Variants in CNTNAP2 observed in about 807,000 individuals in gnomAD.
CNTNAP2 encodes contactin-associated protein-like 2.
CNTNAP2 carries 98 observed loss-of-function variants against 155.2 expected under a neutral mutation model. The observed-to-expected ratio is 0.63, with a 90% CI of 0.54 to 0.75. The LOEUF (loss-of-function observed/expected upper bound fraction) is 0.75, where lower values mean the gene tolerates loss of function less well. Among genes scored for constraint, CNTNAP2 ranks in the 30% least tolerant of loss-of-function variants. The probability of loss-of-function intolerance (pLI) is 0.00; values close to 1 mark genes in which losing one functional copy is unlikely to be tolerated. For synonymous variants in CNTNAP2, 651 were observed against 631.2 expected (o/e 1.03, Z -0.47); for missense variants, 1,727 against 1,688.1 (o/e 1.02, Z -0.40).
At chr7:146,128,769 T>G (rs1373813094) in intron 1 of CNTNAP2, among the ~76,000 whole-genome samples, 1 of 152,262 alleles carries the variant, frequency 6.6e-6, no homozygotes, top group South Asian at 2.1e-4. Flanking sequence ...GCAACAAATA[T>G]ACATTGTTGT....
intron 1 of CNTNAP2, among the ~76,000 whole-genome samples, chr7:146,471,314 A>G (rs1350984429): frequency 1.3e-5 from 2 of 152,228 alleles, no homozygotes; most frequent in Non-Finnish European, 2.9e-5. Context: ...AGTTTCAGAC[A>G]AGTCTTAAGT....
At chr7:146,161,288 C>A (rs1798217920) in intron 1 of CNTNAP2, among the ~76,000 whole-genome samples, 1 of 152,164 alleles carries the variant, frequency 6.6e-6, no homozygotes, top group Admixed American at 6.6e-5. Flanking sequence ...TGAAAACTGG[C>A]ACAAGGCAGC....
chr7:147,942,863 C>G (rs1189133600), intron 14 of CNTNAP2, among the ~76,000 whole-genome samples: 2 of 151,962 alleles, frequency 1.3e-5, no homozygotes, highest in African/African-American at 4.8e-5. Flanking sequence ...CGGTGAAACC[C>G]CATTTCTACT....
chr7:148,312,087 T>C (rs1313101568), intron 21 of CNTNAP2, among the ~76,000 whole-genome samples: 2 of 152,092 alleles, frequency 1.3e-5, no homozygotes, highest in Non-Finnish European at 1.5e-5. Context: ...TTAACACAGT[T>C]TGTGATTTTT....
intron 1 of CNTNAP2, among the ~76,000 whole-genome samples, chr7:146,345,534 A>G (rs10277301): frequency 0.23 from 35,267 of 152,056 alleles, 8,565 homozygotes; most frequent in African/African-American, 0.62. Context: ...GAAGAGAGAA[A>G]ACACACACTC....
At chr7:146,523,028 C>T (rs58859654) in intron 1 of CNTNAP2, among the ~76,000 whole-genome samples, 1,587 of 150,684 alleles carry the variant, frequency 0.011, 25 homozygotes, top group Middle Eastern at 0.065. Flanking sequence ...ATTGGGGTAC[C>T]GGTAGTATTT....
chr7:147,009,107 A>G (rs1798578037), intron 3 of CNTNAP2, among the ~76,000 whole-genome samples: 1 of 152,160 alleles, frequency 6.6e-6, no homozygotes, highest in South Asian at 2.1e-4. Context: ...ATGCATATAT[A>G]GAAAACACAA....
intron 21 of CNTNAP2, among the ~76,000 whole-genome samples, chr7:148,328,473 G>A (rs1405432757): frequency 6.8e-6 from 1 of 147,148 alleles, no homozygotes; most frequent in Non-Finnish European, 1.5e-5. Context: ...ATATGGCCAA[G>A]CTGTTGTCTG....
intron 1 of CNTNAP2, among the ~76,000 whole-genome samples, chr7:146,634,281 C>T (rs897488555): frequency 3.3e-5 from 5 of 152,036 alleles, no homozygotes; most frequent in African/African-American, 1.2e-4. Context: ...TTCCCTGTGC[C>T]GAATCCTCAG....
At chr7:148,072,911 T>C (rs1484479902) in intron 15 of CNTNAP2, among the ~76,000 whole-genome samples, 3 of 152,216 alleles carry the variant, frequency 2.0e-5, no homozygotes, top group Non-Finnish European at 2.9e-5. Flanking sequence ...TTTTGCCATA[T>C]TGGCCAGGCT....
At chr7:146,192,575 A>G (rs1006216043) in intron 1 of CNTNAP2, among the ~76,000 whole-genome samples, 1 of 152,104 alleles carries the variant, frequency 6.6e-6, no homozygotes, top group African/African-American at 2.4e-5. Context: ...CGACATATTC[A>G]CTATCATGAG....
At chr7:147,066,875 T>C (rs553762415) in intron 4 of CNTNAP2, among the ~76,000 whole-genome samples, 173 of 152,284 alleles carry the variant, frequency 1.1e-3, no homozygotes, top group African/African-American at 4.0e-3. Context: ...GGACTGGAAA[T>C]CTAAGATCAG....
At chr7:146,557,296 T>A (rs1798211614) in intron 1 of CNTNAP2, among the ~76,000 whole-genome samples, 1 of 152,028 alleles carries the variant, frequency 6.6e-6, no homozygotes, top group African/African-American at 2.4e-5. Context: ...GGGCAGTATG[T>A]ACTATATTGT....
intron 1 of CNTNAP2, among the ~76,000 whole-genome samples, chr7:146,129,267 G>T (rs546491989): frequency 6.6e-6 from 1 of 152,034 alleles, no homozygotes; most frequent in Non-Finnish European, 1.5e-5. Flanking sequence ...TCAGAATATT[G>T]CAAATAAAAA....
At chr7:148,327,365 C>T (rs1797911168) in intron 21 of CNTNAP2, among the ~76,000 whole-genome samples, 7 of 152,230 alleles carry the variant, frequency 4.6e-5, no homozygotes, top group Non-Finnish European at 1.5e-5. Flanking sequence ...TGGACGACTT[C>T]TCCCTGAGTT....
At chr7:146,402,875 G>A (rs771699039) in intron 1 of CNTNAP2, among the ~76,000 whole-genome samples, 4 of 151,976 alleles carry the variant, frequency 2.6e-5, no homozygotes, top group Non-Finnish European at 2.9e-5. Context: ...AATCAAATGC[G>A]GCTCTGGATT....
At chr7:147,883,999 G>A (rs1441132428) in intron 13 of CNTNAP2, among the ~76,000 whole-genome samples, 1 of 152,194 alleles carries the variant, frequency 6.6e-6, no homozygotes, top group East Asian at 1.9e-4. Flanking sequence ...AGTAGGATAA[G>A]GGTTATGGAG....
intron 1 of CNTNAP2, among the ~76,000 whole-genome samples, chr7:146,212,228 G>A (rs1799045377): frequency 6.6e-6 from 1 of 152,058 alleles, no homozygotes. Context: ...AAAGTGAGGT[G>A]GTTTGGCCTG....
chr7:147,306,558 T>TA (rs1161957669), intron 9 of CNTNAP2, among the ~76,000 whole-genome samples: 1 of 152,122 alleles, frequency 6.6e-6, no homozygotes, highest in African/African-American at 2.4e-5. Context: ...AAGCTTTGTG[T>TA]AAAAAAACAA....
Sources: allele counts gnomAD v4.1 joint callset (sites outside exome capture counted in the v4.1 genomes callset), GRCh38; gene constraint gnomAD v4.1.1; transcripts MANE v1.5; gene names NCBI Gene and HGNC (gene_info 2026-07-23, HGNC 2026-07-21).